FBXW7: variants seen among roughly 807,000 people sequenced by gnomAD.
FBXW7 encodes the protein F-box/WD repeat-containing protein 7.
In FBXW7, 11 loss-of-function variants were observed where a neutral mutation model predicts 86.3. The observed-to-expected ratio is 0.13, with a 90% CI of 0.08 to 0.21. The LOEUF (loss-of-function observed/expected upper bound fraction) is 0.21, where lower values mean the gene tolerates loss of function less well. Ranked by LOEUF, FBXW7 falls within the 10% of genes least tolerant of loss-of-function variation. The pLI, the probability that FBXW7 is intolerant of heterozygous loss-of-function variation, is 1.00. For missense variants in FBXW7, 488 were observed against 847.4 expected, an observed-to-expected ratio of 0.58 and a Z score of 5.27; for synonymous variants, 313 against 297.9, an observed-to-expected ratio of 1.05 and a Z score of -0.52.
Position 152,404,909 on chromosome 4 carries a change from A to ATAG in FBXW7, c.501+6391_501+6393dup, listed in dbSNP as rs201063305. 1.5e-3 allele frequency among the ~76,000 whole-genome samples: 223 copies of ATAG among 152,160 alleles called. 8 individuals are homozygous for ATAG. The East Asian group carries it at 0.04, about 27-fold the overall frequency. ...GGAGTTTGAGACCAGGGTGGGCAAC[A>ATAG]TAGTAAGACCTTGTCTTTACAGATA... On this transcript the variant is annotated intron_variant, in intron 4 of 13. Transcript: ENST00000281708.
At chr4:152,491,509 C>T (rs1369508172) in intron 2 of FBXW7, among the ~76,000 whole-genome samples, 1 of 152,032 alleles carries the variant, frequency 6.6e-6, no homozygotes, top group East Asian at 1.9e-4. Context: ...AAAAGGCTTT[C>T]CCCCATGGAC....
intron 2 of FBXW7, among the ~76,000 whole-genome samples, chr4:152,499,617 C>T (rs1191969388): frequency 6.6e-6 from 1 of 152,120 alleles, no homozygotes; most frequent in African/African-American, 2.4e-5. Flanking sequence ...TATCCCCCTC[C>T]TTCCTGTTTT....
chr4:152,509,928 A>G (rs1478822191), intron 2 of FBXW7, among the ~76,000 whole-genome samples: 1 of 152,228 alleles, frequency 6.6e-6, no homozygotes, highest in East Asian at 1.9e-4. Context: ...GTAAGGTTAA[A>G]GAGCTTGTTT....
chr4:152,357,965 T>C (rs1732562423), intron 4 of FBXW7, among the ~76,000 whole-genome samples: 1 of 152,174 alleles, frequency 6.6e-6, no homozygotes, highest in Non-Finnish European at 1.5e-5. Context: ...CATCCTCTAC[T>C]TTTTCACAGA....
At chr4:152,353,969 AC>A (rs1399182746) in intron 4 of FBXW7, among the ~76,000 whole-genome samples, 2 of 152,114 alleles carry the variant, frequency 1.3e-5, no homozygotes, top group Non-Finnish European at 2.9e-5. Flanking sequence ...ACAAAACAAA[AC>A]AACCATTTGG....
At chr4:152,409,833 C>T (rs1579121738) in intron 4 of FBXW7, among the ~76,000 whole-genome samples, 1 of 150,714 alleles carries the variant, frequency 6.6e-6, no homozygotes, top group Non-Finnish European at 1.5e-5. Context: ...ATGGTTAGAG[C>T]CCAGTCCATT....
chr4:152,469,951 G>A lies in FBXW7; in HGVS notation c.-119-57422C>T, dbSNP rs181278881. On this transcript the variant is annotated intron_variant, in intron 2 of 13. Transcript: ENST00000281708. ...AGAATATTTACTTACCAAATATTTA[G>A]ATAGCCTTTTTAAAATCCTGCTGGT... is the stretch of plus-strand genomic sequence containing the variant. 7.2e-4 allele frequency among the ~76,000 whole-genome samples: 110 copies of A among 152,066 alleles called. 1 individual carries two copies. Among genetic ancestry groups the A allele is most frequent in the Admixed American group, 1.4e-3 (21 of 15,284 alleles).
intron 4 of FBXW7, among the ~76,000 whole-genome samples, chr4:152,399,508 T>C (rs1269648339): frequency 1.3e-5 from 2 of 152,034 alleles, no homozygotes; most frequent in Non-Finnish European, 2.9e-5. Flanking sequence ...GATAAAGAGA[T>C]TAAGAAAGAG....
At chr4:152,468,746 C>T (rs1743680414) in intron 2 of FBXW7, among the ~76,000 whole-genome samples, 1 of 152,010 alleles carries the variant, frequency 6.6e-6, no homozygotes, top group African/African-American at 2.4e-5. Context: ...CTCAATAAAA[C>T]TGTCACTAAA....
At chr4:152,356,823 A>G (rs895324607) in intron 4 of FBXW7, among the ~76,000 whole-genome samples, 2 of 152,186 alleles carry the variant, frequency 1.3e-5, no homozygotes, top group Admixed American at 1.3e-4. Context: ...TCACTAACAC[A>G]AATAGGTGGC....
In FBXW7 at chr4:152,521,679, G is replaced by A. The variant is rs944327367; in HGVS notation, c.-120+13262C>T. ...TGGAAGGAGCTCTGAAGGGTAGATT[G>A]GATCTGGACTAGAAGGGATCCCAAA... On this transcript the variant is annotated intron_variant, in intron 2 of 13. Transcript: ENST00000281708. Among the ~76,000 whole-genome samples the A allele has an allele frequency of 2.0e-5, 3 of 152,088 alleles. No individual in the cohort carries two copies. In the East Asian group the frequency reaches 5.8e-4, roughly 29 times the overall value.
chr4:152,506,256 T>C (rs35316067), intron 2 of FBXW7, among the ~76,000 whole-genome samples: 73,706 of 151,752 alleles, frequency 0.49, 20,974 homozygotes, highest in African/African-American at 0.79. Context: ...CTCAGCCTCC[T>C]GAGTAGCTGG....
At chr4:152,500,496 C>G (rs922574596) in intron 2 of FBXW7, among the ~76,000 whole-genome samples, 3 of 73,094 alleles carry the variant, frequency 4.1e-5, no homozygotes, top group Admixed American at 1.6e-4. Context: ...GCTTTGTCAG[C>G]AAAAAAAAAA....
chr4:152,509,105 G>A (rs1747722209), intron 2 of FBXW7, among the ~76,000 whole-genome samples: 1 of 152,104 alleles, frequency 6.6e-6, no homozygotes, highest in South Asian at 2.1e-4. Flanking sequence ...AATTGTTTCA[G>A]GTTAAAGAAA....
At chr4:152,409,869 T>C (rs1737773020) in intron 4 of FBXW7, among the ~76,000 whole-genome samples, 1 of 152,156 alleles carries the variant, frequency 6.6e-6, no homozygotes, top group African/African-American at 2.4e-5. Context: ...GGACAATAAT[T>C]GTTATTCATG....
chr4:152,330,535 C>G (rs560341790), intron 9 of FBXW7, among the ~76,000 whole-genome samples, 197 bp downstream of exon 9: 1 of 152,016 alleles, frequency 6.6e-6, no homozygotes, highest in African/African-American at 2.4e-5. Flanking sequence ...ATCTTTTATT[C>G]AAGCACAATT....
chr4:152,358,138 T>C (rs1266110665), intron 4 of FBXW7, among the ~76,000 whole-genome samples: 1 of 152,198 alleles, frequency 6.6e-6, no homozygotes, highest in East Asian at 1.9e-4. Flanking sequence ...TATTGTGAAT[T>C]TCTTATAGTA....
Position 152,323,071 on chromosome 4 carries a change from G to C in FBXW7, c.1934C>G (p.Thr645Ser). The change falls in exon 14 of 14, where the codon ACT (threonine) becomes AGT (serine). Residue 645 changes from threonine (T) to serine (S), a missense_variant. By Grantham distance (58) the Thr-to-Ser change is moderately conservative (BLOSUM62 1). Transcript: ENST00000281708. ...NFVITSSDDG[T>S]VKLWDLKTGE... Reference sequence around the variant, plus strand: ...CGTTTTCAAGTCCCATAGTTTTACAGTTCCATCATCTGAGCTGGTAATTAC... The same window carrying C: ...CGTTTTCAAGTCCCATAGTTTTACACTTCCATCATCTGAGCTGGTAATTAC... 1.2e-6 allele frequency: 2 copies of C among 1,613,818 alleles called. No individual in the cohort carries two copies. The highest frequency in any genetic ancestry group is 1.7e-6 in the Non-Finnish European group (2 of 1,179,840).
chr4:152,425,271 C>T (rs1176285865), intron 2 of FBXW7, among the ~76,000 whole-genome samples: 2 of 152,222 alleles, frequency 1.3e-5, no homozygotes, highest in African/African-American at 4.8e-5. Flanking sequence ...TGAGCCTCAT[C>T]TCTGAGTCCA....
Sources: gnomAD v4.1 joint callset for allele counts (sites outside exome capture counted in the v4.1 genomes callset) on GRCh38, gnomAD v4.1.1 for gene constraint, MANE v1.5 for transcripts, NCBI Gene and HGNC (gene_info 2026-07-23, HGNC 2026-07-21) for gene names.